MTUS2: variants seen among roughly 807,000 people sequenced by gnomAD.
MTUS2 encodes microtubule-associated tumor suppressor candidate 2.
Under a neutral mutation model 114.1 loss-of-function variants are expected in MTUS2, and 40 were observed. That is an observed-to-expected ratio of 0.35 (90% CI 0.27 to 0.46). The LOEUF (loss-of-function observed/expected upper bound fraction) is 0.46. Ranked by LOEUF, MTUS2 falls within the 20% of genes least tolerant of loss-of-function variation. The probability of loss-of-function intolerance (pLI) is 1.00; values close to 1 mark genes in which losing one functional copy is unlikely to be tolerated. For missense variants in MTUS2, 1,679 were observed against 1,705.4 expected, an observed-to-expected ratio of 0.98 and a Z score of 0.27; for synonymous variants, 688 against 672.0, an observed-to-expected ratio of 1.02 and a Z score of -0.37.
intron 2 of MTUS2, among the ~76,000 whole-genome samples, chr13:28,986,064 C>A (rs1480794603): frequency 6.6e-6 from 1 of 151,984 alleles, no homozygotes; most frequent in Non-Finnish European, 1.5e-5. Flanking sequence ...TTTATAGAAA[C>A]GGAACATAGG....
At chr13:29,211,690 G>T (rs1298766538) in intron 5 of MTUS2, among the ~76,000 whole-genome samples, 17 of 151,978 alleles carry the variant, frequency 1.1e-4, no homozygotes, top group African/African-American at 4.1e-4. Flanking sequence ...CTCCCTATAA[G>T]GTCAAATCCT....
chr13:29,161,792 C>G (rs1893108849), intron 5 of MTUS2, among the ~76,000 whole-genome samples: 1 of 152,360 alleles, frequency 6.6e-6, no homozygotes, highest in Admixed American at 6.5e-5. Context: ...TCTGTCATGG[C>G]TGGCAGCGTC....
rs115950661 is a variant in MTUS2, at chr13:29,366,764, C to T, written c.3117+7291C>T. Among the ~76,000 whole-genome samples, 1,507 of 152,206 alleles carry T rather than the reference C, an allele frequency of 9.9e-3. 20 individuals are homozygous for T. The highest frequency in any genetic ancestry group is 0.034 in the African/African-American group (1,420 of 41,526). ...GGACACCACCAAGTGCAAAGAGAGACAGGGAGAGAGATAGCCCTCCAGTAG... is the reference window on the plus strand; with the variant it reads ...GGACACCACCAAGTGCAAAGAGAGATAGGGAGAGAGATAGCCCTCCAGTAG... On this transcript the variant is annotated intron_variant, in intron 8 of 15. Coordinates refer to ENST00000612955, the MANE Select transcript of MTUS2 (RefSeq NM_001033602.4).
At chr13:29,153,758 C>T (rs1032258175) in intron 5 of MTUS2, among the ~76,000 whole-genome samples, 2 of 152,208 alleles carry the variant, frequency 1.3e-5, no homozygotes, top group African/African-American at 4.8e-5. Context: ...TCTTTATTTT[C>T]CTCTTTTATT....
At chr13:29,221,960 T>C (rs1200505068) in intron 5 of MTUS2, among the ~76,000 whole-genome samples, 3 of 152,134 alleles carry the variant, frequency 2.0e-5, no homozygotes, top group South Asian at 2.1e-4. Flanking sequence ...TTTTTAGAGA[T>C]AGAGTCTCAC....
At chr13:29,299,860 A>C (rs1899116785) in intron 6 of MTUS2, among the ~76,000 whole-genome samples, 2 of 149,940 alleles carry the variant, frequency 1.3e-5, no homozygotes, top group South Asian at 2.1e-4. Flanking sequence ...GTCTAAAGAC[A>C]GCATGAAAAA....
intron 8 of MTUS2, among the ~76,000 whole-genome samples, chr13:29,368,815 C>T (rs1870956350): frequency 6.6e-6 from 1 of 152,036 alleles, no homozygotes; most frequent in Non-Finnish European, 1.5e-5. Flanking sequence ...GAAGCAAGCT[C>T]GGGGTGGTTT....
chr13:28,889,949 C>T (rs766130187), intron 2 of MTUS2, among the ~76,000 whole-genome samples: 3 of 152,116 alleles, frequency 2.0e-5, no homozygotes, highest in East Asian at 3.9e-4. Context: ...CAGTGATACT[C>T]GGTTAAGGTC....
At chr13:28,841,982 G>A (rs999294951) in intron 2 of MTUS2, among the ~76,000 whole-genome samples, 1 of 152,176 alleles carries the variant, frequency 6.6e-6, no homozygotes, top group African/African-American at 2.4e-5. Context: ...ACCGCGCCCG[G>A]CCAAAGTTTG....
intron 9 of MTUS2, among the ~76,000 whole-genome samples, chr13:29,444,144 C>A (rs1484220387): frequency 6.6e-6 from 1 of 152,208 alleles, no homozygotes; most frequent in Non-Finnish European, 1.5e-5. Context: ...AGCATCTGGA[C>A]TGAGCACAGC....
rs1387204354 is a variant in MTUS2, at chr13:29,330,186, C to T, written c.2905+5475C>T. On this transcript the variant is annotated intron_variant, in intron 7 of 15. Coordinates refer to ENST00000612955, the MANE Select transcript of MTUS2 (RefSeq NM_001033602.4). ...CTCATTGTGATTTTGATTTGCATTT[C>T]GCTAATGACCAGCTTTTTTTACATG... 2.6e-5 allele frequency among the ~76,000 whole-genome samples: 4 copies of T among 152,184 alleles called. No individual in the cohort carries two copies. The East Asian group carries it at 7.7e-4, about 29-fold the overall frequency.
chr13:29,186,103 A>G (rs1350505489), intron 5 of MTUS2, among the ~76,000 whole-genome samples: 4 of 152,146 alleles, frequency 2.6e-5, no homozygotes, highest in Non-Finnish European at 5.9e-5. Context: ...AGTCCTAGCT[A>G]CTTAGGAGGC....
At chr13:29,052,530 A>G (rs1437057941) in intron 4 of MTUS2, among the ~76,000 whole-genome samples, 3 of 152,138 alleles carry the variant, frequency 2.0e-5, no homozygotes, top group Admixed American at 6.5e-5. Context: ...AGGATATCCT[A>G]AAGAAGCAAG....
intron 6 of MTUS2, among the ~76,000 whole-genome samples, chr13:29,319,343 C>T (rs1030395287): frequency 6.6e-6 from 1 of 152,256 alleles, no homozygotes; most frequent in South Asian, 2.1e-4. Context: ...GGACTTCAAC[C>T]GCAGCGGCAG....
rs148784271 is a variant in MTUS2, at chr13:28,835,266, C to T, written c.-315-4512C>T. Among the ~76,000 whole-genome samples the T allele has an allele frequency of 3.7e-3, 568 of 152,276 alleles. 9 individuals are homozygous for T. The highest frequency in any genetic ancestry group is 0.013 in the African/African-American group (547 of 41,562). On this transcript the variant is annotated intron_variant, in intron 1 of 15. Transcript: ENST00000612955. ...TGGAAACAATCCAAATGTCCATTAA[C>T]TGATTAATAGATAAATAAGATATGG...
At chr13:29,459,713 A>G (rs74042100) in intron 9 of MTUS2, among the ~76,000 whole-genome samples, 2,546 of 152,326 alleles carry the variant, frequency 0.017, 71 homozygotes, top group African/African-American at 0.059. Context: ...GCAAAAAATA[A>G]AAATCAAACC....
At chr13:28,959,802 G>A (rs531034099) in intron 2 of MTUS2, among the ~76,000 whole-genome samples, 1 of 152,286 alleles carries the variant, frequency 6.6e-6, no homozygotes, top group South Asian at 2.1e-4. Context: ...TCCAACATTG[G>A]AGGGTACATT....
chr13:28,907,339 A>G lies in MTUS2; in HGVS notation c.-243+67489A>G, dbSNP rs911431606. On this transcript the variant is annotated intron_variant, in intron 2 of 15. Transcript: ENST00000612955. ...ACCATTAAGGCTAGGAAGAAACTGC[A>G]TCAACTATCGAGCAAAATAACCAGC... Among the ~76,000 whole-genome samples, 4 of 151,700 alleles carry G rather than the reference A, an allele frequency of 2.6e-5. No individual in the cohort carries two copies. In the South Asian group the frequency reaches 8.3e-4, roughly 32 times the overall value.
In MTUS2 at chr13:29,200,521, G is replaced by GTTT. The variant is rs56965083; in HGVS notation, c.2645-81169_2645-81167dup. Reference sequence around the variant, plus strand: ...TGGTTTTGAGTGAGTTTCTTTTTCTGTTTTTTTTTTTTTTTTGAGATGGAG... The same window carrying GTTT: ...TGGTTTTGAGTGAGTTTCTTTTTCTGTTTTTTTTTTTTTTTTTTTGAGATGGAG... On this transcript the variant is annotated intron_variant, in intron 5 of 15. Transcript: ENST00000612955. 5.6e-4 allele frequency among the ~76,000 whole-genome samples: 48 copies of GTTT among 85,416 alleles called. 3 individuals carry two copies. Among genetic ancestry groups the GTTT allele is most frequent in the African/African-American group, 1.6e-3 (33 of 20,216 alleles). The allele number at this position is 85,416 out of a possible 152,430, so 56.0% of individuals were successfully genotyped here. A position where few individuals can be genotyped will look rare whatever the true frequency, so the allele number is the denominator to read the frequency against.
Sources: gnomAD v4.1 joint callset for allele counts (sites outside exome capture counted in the v4.1 genomes callset) on GRCh38, gnomAD v4.1.1 for gene constraint, MANE v1.5 for transcripts, NCBI Gene and HGNC (gene_info 2026-07-23, HGNC 2026-07-21) for gene names.